Variants in PDLIM5 observed in about 807,000 individuals in gnomAD.
PDLIM5 encodes the protein PDZ and LIM domain protein 5.
A neutral mutation model predicts 64.2 loss-of-function variants in PDLIM5; 34 were observed. That is an observed-to-expected ratio of 0.53 (90% CI 0.40 to 0.71). The LOEUF is 0.71. PDLIM5 is among the 30% of genes least tolerant of loss of function. PDLIM5 has a pLI of 0.00. For missense variants in PDLIM5, 683 were observed against 733.6 expected (o/e 0.93, Z 0.80); for synonymous variants, 253 against 269.1 (o/e 0.94, Z 0.59).
intron 2 of PDLIM5, among the ~76,000 whole-genome samples, chr4:94,469,248 AC>A (rs1329558656): frequency 6.6e-6 from 1 of 152,250 alleles, no homozygotes; most frequent in Non-Finnish European, 1.5e-5. Flanking sequence ...CACAAAAAAA[AC>A]AAAAAACATA....
intron 9 of PDLIM5, among the ~76,000 whole-genome samples, chr4:94,644,529 C>CT (rs201777322): frequency 0.026 from 3,719 of 144,666 alleles, 154 homozygotes; most frequent in East Asian, 0.15. Flanking sequence ...ATGCCAAGAA[C>CT]TTTTTTTTTT....
At chr4:94,637,626 A>T (rs1027414520) in intron 8 of PDLIM5, among the ~76,000 whole-genome samples, 1 of 152,224 alleles carries the variant, frequency 6.6e-6, no homozygotes, top group East Asian at 1.9e-4. Context: ...AAGTAACTCT[A>T]ATTTAGTCTG....
chr4:94,644,676 G>A (rs1741268308), intron 9 of PDLIM5, among the ~76,000 whole-genome samples: 1 of 152,012 alleles, frequency 6.6e-6, no homozygotes, highest in Non-Finnish European at 1.5e-5. Flanking sequence ...CAAGTAGCCA[G>A]GACTACAGGC....
rs200199908 is a variant in PDLIM5 at position 94,662,406 on chromosome 4, C to A, written c.1586-16C>A. ...ATCATGTTTAAATTATGTCTCTCTG[C>A]CCTCCCTTAATACAGATTATTATGC... is the stretch of plus-strand genomic sequence containing the variant. On this transcript the variant is annotated splice_polypyrimidine_tract_variant and intron_variant, in intron 11 of 12. Coordinates refer to ENST00000317968, the MANE Select transcript of PDLIM5 (RefSeq NM_006457.5). The A allele has an allele frequency of 8.9e-6, 10 of 1,122,276 alleles. No homozygotes were observed. In the Middle Eastern group the frequency reaches 1.6e-3, roughly 176 times the overall value. The allele number at this position is 1,122,276 out of a possible 1,614,324, so 69.5% of individuals were successfully genotyped here.
At chr4:94,496,131 C>G (rs1035879134) in intron 2 of PDLIM5, among the ~76,000 whole-genome samples, 2 of 151,622 alleles carry the variant, frequency 1.3e-5, no homozygotes, top group Admixed American at 6.6e-5. Context: ...CAGATTTGTT[C>G]ATCAAGTAGC....
chr4:94,593,096 T>C (rs1736794930), intron 7 of PDLIM5, among the ~76,000 whole-genome samples: 2 of 152,196 alleles, frequency 1.3e-5, no homozygotes, highest in Admixed American at 1.3e-4. Context: ...GTCTTAAGTT[T>C]CCTACCGAAG....
chr4:94,587,917 C>A, intron 7 of PDLIM5: 2 of 953,096 alleles, frequency 2.1e-6, no homozygotes, highest in Non-Finnish European at 2.5e-6. Context: ...GATTGTGAGA[C>A]ATCAGAGAAA....
In PDLIM5 at chr4:94,546,239, C is replaced by T. The variant is rs533754010; in HGVS notation, c.248+22364C>T. 1.4e-4 allele frequency among the ~76,000 whole-genome samples: 22 copies of T among 152,196 alleles called. No homozygotes were observed. In the East Asian group the frequency reaches 4.0e-3, roughly 28 times the overall value. On this transcript the variant is annotated intron_variant, in intron 3 of 12. Coordinates refer to ENST00000317968, the MANE Select transcript of PDLIM5 (RefSeq NM_006457.5). ...TGATATTGCATTGTCAGTACTGTCC[C>T]TGGTTATTAATTTCTCCTGGAGTAG...
chr4:94,523,895 T>A lies in PDLIM5; in HGVS notation c.248+20T>A, dbSNP rs1354600220. On this transcript the variant is annotated intron_variant, in intron 3 of 12. Coordinates refer to ENST00000317968, the MANE Select transcript of PDLIM5 (RefSeq NM_006457.5). ...GCAAAGGTAAGTTGCTTTTTGTTTG[T>A]CCCTGAAAGAGAAAACAACATTGAG... 11 of 1,594,902 alleles carry A rather than the reference T, an allele frequency of 6.9e-6. No individual in the cohort carries two copies. In the Admixed American group the frequency reaches 1.5e-4, roughly 22 times the overall value.
At chr4:94,546,176 G>A (rs571292654) in intron 3 of PDLIM5, among the ~76,000 whole-genome samples, 1 of 152,268 alleles carries the variant, frequency 6.6e-6, no homozygotes, top group South Asian at 2.1e-4. Flanking sequence ...TCATAGAACT[G>A]AACGTTATGA....
chr4:94,584,920 A>G (rs911121201), intron 5 of PDLIM5: 9 of 1,021,716 alleles, frequency 8.8e-6, no homozygotes, highest in Non-Finnish European at 1.3e-5. Flanking sequence ...TTTTCTTATC[A>G]TTTTCCTTTC....
chr4:94,605,685 C>T (rs576260494), intron 7 of PDLIM5, among the ~76,000 whole-genome samples: 9 of 152,206 alleles, frequency 5.9e-5, no homozygotes, highest in Non-Finnish European at 1.3e-4. Context: ...ATAATCAATA[C>T]GTGTAACACA....
chr4:94,519,215 G>A (rs1002840735), intron 2 of PDLIM5, among the ~76,000 whole-genome samples: 1 of 152,318 alleles, frequency 6.6e-6, no homozygotes, highest in South Asian at 2.1e-4. Flanking sequence ...GGTCTGACCG[G>A]TCAGTTTGAA....
chr4:94,566,626 T>C (rs1412933740), intron 3 of PDLIM5, among the ~76,000 whole-genome samples: 1 of 152,228 alleles, frequency 6.6e-6, no homozygotes, highest in Non-Finnish European at 1.5e-5. Flanking sequence ...AACTATATGT[T>C]GCCTAATGCA....
intron 2 of PDLIM5, among the ~76,000 whole-genome samples, chr4:94,490,370 A>T (rs556541766): frequency 5.3e-5 from 8 of 152,162 alleles, no homozygotes; most frequent in Admixed American, 5.2e-4. Context: ...TTCTTCTCAA[A>T]ATTAAAATAA....
At chr4:94,453,799 TC>T (rs1723075626) in intron 1 of PDLIM5, among the ~76,000 whole-genome samples, 1 of 152,200 alleles carries the variant, frequency 6.6e-6, no homozygotes, top group South Asian at 2.1e-4. Flanking sequence ...CAGTTTGACT[TC>T]CGGCTTGGCC....
At chr4:94,454,404 GAACA>G (rs1723141519) in intron 1 of PDLIM5, among the ~76,000 whole-genome samples, 1 of 148,824 alleles carries the variant, frequency 6.7e-6, no homozygotes, top group Admixed American at 6.8e-5. Context: ...CTTAACAGCA[GAACA>G]GACAAAAGAA....
chr4:94,660,845 G>A (rs1742639884), intron 11 of PDLIM5, among the ~76,000 whole-genome samples: 1 of 152,186 alleles, frequency 6.6e-6, no homozygotes, highest in African/African-American at 2.4e-5. Context: ...ACAGTAGTGA[G>A]AGGAGCTGCA....
At chr4:94,597,729 G>C (rs748635692) in intron 7 of PDLIM5, among the ~76,000 whole-genome samples, 32 of 152,138 alleles carry the variant, frequency 2.1e-4, no homozygotes, top group Non-Finnish European at 2.2e-4. Context: ...TCCTGGATGG[G>C]AAAGAAAATA....
Sources: allele counts gnomAD v4.1 joint callset (sites outside exome capture counted in the v4.1 genomes callset), GRCh38; gene constraint gnomAD v4.1.1; transcripts MANE v1.5; gene names NCBI Gene and HGNC (gene_info 2026-07-23, HGNC 2026-07-21).